The following ARFGEF3 variants were observed in gnomAD, a reference collection of about 807,000 sequenced individuals.
ARFGEF3 encodes ARFGEF family member 3.
ARFGEF3 carries 96 observed loss-of-function variants against 221.7 expected under a neutral mutation model. That is an observed-to-expected ratio of 0.43 (90% confidence interval 0.37 to 0.51). The LOEUF is 0.51. Among genes scored for constraint, ARFGEF3 ranks in the 20% least tolerant of loss-of-function variants. The pLI is 0.00. For missense variants in ARFGEF3, 2,410 were observed against 2,789.9 expected (o/e 0.86, Z 3.07); for synonymous variants, 1,145 against 1,126.8 (o/e 1.02, Z -0.32).
rs1156740328 is a variant in ARFGEF3, at chr6:138,307,330, C to T, written c.3906C>T (p.Ala1302=). 2 of 1,613,740 alleles carry T rather than the reference C, an allele frequency of 1.2e-6. No individual in the cohort carries two copies. The highest frequency in any genetic ancestry group is 1.7e-6 in the Non-Finnish European group (2 of 1,179,788). Reference sequence around the variant, plus strand: ...CGGGATGGAGACCCTTGTTCAGTGCCCTGGAAACAGTGCATGGCGGGAACA... The same window carrying T: ...CGGGATGGAGACCCTTGTTCAGTGCTCTGGAAACAGTGCATGGCGGGAACA... ...IQSGWRPLFS[A]LETVHGGNKS... The change falls in exon 23 of 34, where the codon GCC becomes GCT. Residue 1302 remains alanine, a synonymous_variant. Coordinates refer to ENST00000251691, the MANE Select transcript of ARFGEF3 (RefSeq NM_020340.5).
chr6:138,171,750 T>G (rs551252320), intron 2 of ARFGEF3, among the ~76,000 whole-genome samples: 56 of 152,212 alleles, frequency 3.7e-4, no homozygotes, highest in African/African-American at 1.2e-3. Context: ...TATTCACGAC[T>G]TTGTTGCCTG....
chr6:138,337,892 T>C lies in ARFGEF3; in HGVS notation c.*1406T>C, dbSNP rs1780360199. ...CATACATTATAATCTCCCAGCCCCA[T>C]TCATAATGAATAAGTCACCCTTTAA... is the stretch of plus-strand genomic sequence containing the variant. On this transcript the variant is annotated 3_prime_UTR_variant, in exon 34 of 34. Coordinates refer to ENST00000251691, the MANE Select transcript of ARFGEF3 (RefSeq NM_020340.5). The C allele has an allele frequency of 1.3e-5, 2 of 152,190 alleles. No individual in the cohort carries two copies. The highest frequency in any genetic ancestry group is 4.8e-5 in the African/African-American group (2 of 41,450). The allele number at this position is 152,190 out of a possible 1,614,324, so 9.4% of individuals were successfully genotyped here. A position where few individuals can be genotyped will look rare whatever the true frequency, so the allele number is the denominator to read the frequency against.
chr6:138,262,381 G>A (rs933397243), intron 11 of ARFGEF3, among the ~76,000 whole-genome samples: 2 of 151,944 alleles, frequency 1.3e-5, no homozygotes, highest in Admixed American at 6.6e-5. Flanking sequence ...TAGTAGAGAC[G>A]TGGTTTCACC....
intron 19 of ARFGEF3, among the ~76,000 whole-genome samples, chr6:138,292,661 G>A (rs775122143): frequency 9.2e-5 from 14 of 151,930 alleles, no homozygotes; most frequent in Non-Finnish European, 1.9e-4. Context: ...CCAGACCCCC[G>A]GCACGGGCAC....
At chr6:138,277,217 G>A (rs535352960) in intron 12 of ARFGEF3, among the ~76,000 whole-genome samples, 8 of 152,216 alleles carry the variant, frequency 5.3e-5, no homozygotes, top group African/African-American at 1.9e-4. Context: ...TTCATAGAGT[G>A]CATCATATAT....
intron 2 of ARFGEF3, among the ~76,000 whole-genome samples, chr6:138,181,727 C>G (rs1777083122): frequency 6.6e-6 from 1 of 152,160 alleles, no homozygotes; most frequent in South Asian, 2.1e-4. Flanking sequence ...TATGTGTGAG[C>G]CACTGCATCC....
At chr6:138,244,651 G>C (rs1477316767) in intron 7 of ARFGEF3, among the ~76,000 whole-genome samples, 2 of 152,180 alleles carry the variant, frequency 1.3e-5, no homozygotes, top group African/African-American at 4.8e-5. Flanking sequence ...TGTTGCTTCA[G>C]TATCAACAAA....
At position 138,342,483 on chromosome 6, in the gene ARFGEF3, A is replaced by C. The variant is rs1780448356; in HGVS notation, c.*5997A>C. On this transcript the variant is annotated 3_prime_UTR_variant, in exon 34 of 34. Transcript: ENST00000251691. ...ATTATACCAACAATTGGTTTTTACA[A>C]GCTAGAAGACAATGAATGTATAAGT... 6.6e-6 allele frequency: 1 copy of C among 152,250 alleles called. No individual in the cohort carries two copies. The allele number at this position is 152,250 out of a possible 1,614,324, so 9.4% of individuals were successfully genotyped here.
chr6:138,201,373 T>C (rs1777533202), intron 2 of ARFGEF3, among the ~76,000 whole-genome samples: 1 of 152,178 alleles, frequency 6.6e-6, no homozygotes, highest in South Asian at 2.1e-4. Context: ...TGCACACACA[T>C]GTTTATAGCA....
At position 138,263,502 on chromosome 6, in the gene ARFGEF3, C is replaced by T. The variant is rs1217485062; in HGVS notation, c.2019C>T (p.Ala673=). ...ACCAGGAGGCGGATCAGCACAGCGC[C>T]AGGCTGTTCATACAGTCCCTGGAAG... ...LKNQEADQHS[A]RLFIQSLEGL... Residue 673 remains alanine (A), a synonymous_variant, in exon 12 of 34, where the codon GCC becomes GCT. Coordinates refer to ENST00000251691, the MANE Select transcript of ARFGEF3 (RefSeq NM_020340.5). 8 of 1,613,710 alleles carry T rather than the reference C, an allele frequency of 5.0e-6. No homozygotes were observed. The highest frequency in any genetic ancestry group is 5.9e-6 in the Non-Finnish European group (7 of 1,179,900).
intron 7 of ARFGEF3, among the ~76,000 whole-genome samples, chr6:138,243,868 G>A (rs1778436115): frequency 6.6e-6 from 1 of 152,142 alleles, no homozygotes; most frequent in Non-Finnish European, 1.5e-5. Flanking sequence ...TATTGTTTCA[G>A]TCCCATGATG....
chr6:138,266,804 G>A lies in ARFGEF3; in HGVS notation c.2128+3193G>A, dbSNP rs188133456. 1.7e-4 allele frequency among the ~76,000 whole-genome samples: 22 copies of A among 132,640 alleles called. No individual in the cohort carries two copies. In the East Asian group the frequency reaches 3.2e-3, roughly 19 times the overall value. The allele number at this position is 132,640 out of a possible 152,430, so 87.0% of individuals were successfully genotyped here. ...GCAGAGCTTGTAGTGAGCCAAGATC[G>A]CACCACTGCACTCCAGCCTTGGTGA... is the stretch of plus-strand genomic sequence containing the variant. On this transcript the variant is annotated intron_variant, in intron 12 of 33. Coordinates refer to ENST00000251691, the MANE Select transcript of ARFGEF3 (RefSeq NM_020340.5).
At chr6:138,325,134 G>C (rs1780105746) in intron 31 of ARFGEF3, among the ~76,000 whole-genome samples, 1 of 152,162 alleles carries the variant, frequency 6.6e-6, no homozygotes, top group Admixed American at 6.5e-5. Context: ...TATTAAACAA[G>C]TTTTATGAAT....
rs374354269 is a variant in ARFGEF3 at position 138,193,078 on chromosome 6, C to T, written c.138-13964C>T. Among the ~76,000 whole-genome samples the T allele has an allele frequency of 2.0e-5, 3 of 152,132 alleles. No homozygotes were observed. The East Asian group carries it at 5.8e-4, about 29-fold the overall frequency. ...AGTTTCTCTGAATGGTATGCAAGAC[C>T]CTTCAAAAGCTGGCTCAAAGCTCCT... On this transcript the variant is annotated intron_variant, in intron 2 of 33. Coordinates refer to ENST00000251691, the MANE Select transcript of ARFGEF3 (RefSeq NM_020340.5).
intron 32 of ARFGEF3, among the ~76,000 whole-genome samples, chr6:138,328,825 CA>C (rs1184156462): frequency 6.6e-6 from 1 of 151,898 alleles, no homozygotes. Context: ...GCCATCTCTA[CA>C]AAAAAGTAAA....
intron 10 of ARFGEF3, among the ~76,000 whole-genome samples, chr6:138,257,871 C>A (rs1778715077): frequency 6.6e-6 from 1 of 152,150 alleles, no homozygotes; most frequent in Non-Finnish European, 1.5e-5. Context: ...GTTCAAAATG[C>A]ACTAAAGTTT....
chr6:138,210,944 A>G (rs1303596406), intron 4 of ARFGEF3, among the ~76,000 whole-genome samples: 1 of 152,106 alleles, frequency 6.6e-6, no homozygotes, highest in Non-Finnish European at 1.5e-5. Context: ...CCTGGGCCTC[A>G]CCCTAACCCT....
chr6:138,188,510 A>C (rs1401125375), intron 2 of ARFGEF3, among the ~76,000 whole-genome samples: 2 of 152,162 alleles, frequency 1.3e-5, no homozygotes, highest in African/African-American at 4.8e-5. Flanking sequence ...TTTTTCTTCC[A>C]GCACATGTCT....
At chr6:138,317,208 G>C (rs754801225) in intron 26 of ARFGEF3, 43 bp from the exon 27 acceptor site, 1 of 1,598,622 alleles carries the variant, frequency 6.3e-7, no homozygotes, top group East Asian at 2.2e-5. Flanking sequence ...ATTATTCATT[G>C]TGTCTAACTG....
Sources: gnomAD v4.1 joint callset for allele counts (sites outside exome capture counted in the v4.1 genomes callset) on GRCh38, gnomAD v4.1.1 for gene constraint, MANE v1.5 for transcripts, NCBI Gene and HGNC (gene_info 2026-07-23, HGNC 2026-07-21) for gene names.